Variants in TRMT11 observed in about 807,000 individuals in gnomAD.
TRMT11 encodes tRNA (guanine(10)-N(2))-methyltransferase TRMT11.
Under a neutral mutation model 62.8 loss-of-function variants are expected in TRMT11, and 53 were observed. The ratio of observed to expected loss-of-function variants is 0.84; its 90% CI spans 0.68 to 1.06. TRMT11 has a LOEUF of 1.06. Among genes scored for constraint, TRMT11 ranks in the 50% least tolerant of loss-of-function variants. The pLI, the probability that TRMT11 is intolerant of heterozygous loss-of-function variation, is 0.00. For missense variants in TRMT11, 556 were observed against 553.4 expected (o/e 1.00, Z -0.05); for synonymous variants, 188 against 190.3 (o/e 0.99, Z 0.10).
At chr6:126,204,135 A>G (rs1006033832), downstream of TRMT11, among the ~76,000 whole-genome samples, 12 of 152,234 alleles carry the variant, frequency 7.9e-5, no homozygotes, top group African/African-American at 2.7e-4. Context: ...AGAAATAATT[A>G]TAAGTTAAAA....
At chr6:126,128,506 T>A (rs9321060) in intron 21 of TRMT11, among the ~76,000 whole-genome samples, 1 of 152,002 alleles carries the variant, frequency 6.6e-6, no homozygotes, top group South Asian at 2.1e-4. Flanking sequence ...ATTTGGGTTC[T>A]TCCCATTTTC....
At chr6:126,124,835 C>A (rs1026968668) in intron 21 of TRMT11, among the ~76,000 whole-genome samples, 1 of 151,990 alleles carries the variant, frequency 6.6e-6, no homozygotes. Flanking sequence ...GGTTGTATAC[C>A]GCTGGAGTTA....
chr6:126,008,731 T>C (rs1793742740), intron 8 of TRMT11: 1 of 642,466 alleles, frequency 1.6e-6, no homozygotes, highest in Non-Finnish European at 2.9e-6. Flanking sequence ...AGTAAATCTA[T>C]TTTTACTGAA....
At chr6:126,091,169 A>G (rs1428854357) in intron 17 of TRMT11, among the ~76,000 whole-genome samples, 1 of 149,544 alleles carries the variant, frequency 6.7e-6, no homozygotes, top group African/African-American at 2.5e-5. Context: ...GCGCCACTGC[A>G]CTCCAGCCTG....
At chr6:126,121,282 C>A (rs573252946) in intron 21 of TRMT11, among the ~76,000 whole-genome samples, 1 of 152,248 alleles carries the variant, frequency 6.6e-6, no homozygotes, top group African/African-American at 2.4e-5. Context: ...TGTCTCACTT[C>A]ATGCCATTTA....
chr6:126,212,819 G>A, the TRMT11 span, among the ~76,000 whole-genome samples: 1 of 152,012 alleles, frequency 6.6e-6, no homozygotes, highest in Non-Finnish European at 1.5e-5. Context: ...TTGATTGCCT[G>A]TGCTTGTGGG....
At chr6:126,042,344 C>T (rs563797942), downstream of TRMT11, among the ~76,000 whole-genome samples, 26 of 152,238 alleles carry the variant, frequency 1.7e-4, no homozygotes, top group Non-Finnish European at 3.4e-4. Context: ...CTGAGGCCAA[C>T]CTGGAATTTG....
intron 12 of TRMT11, among the ~76,000 whole-genome samples, chr6:126,029,279 C>T (rs1773750641): frequency 6.6e-6 from 1 of 152,112 alleles, no homozygotes; most frequent in Non-Finnish European, 1.5e-5. Context: ...CATAAATGTA[C>T]ACTTTAGTAA....
intron 21 of TRMT11, among the ~76,000 whole-genome samples, chr6:126,161,144 A>G (rs1242425338): frequency 6.6e-6 from 1 of 152,052 alleles, no homozygotes; most frequent in South Asian, 2.1e-4. Flanking sequence ...GGTTTGTTAC[A>G]TAGGTATACA....
intron 21 of TRMT11, among the ~76,000 whole-genome samples, chr6:126,121,907 T>C (rs1263805656): frequency 6.6e-6 from 1 of 152,108 alleles, no homozygotes; most frequent in Non-Finnish European, 1.5e-5. Flanking sequence ...GTAGGAATAC[T>C]GATGTTGGGC....
At chr6:125,987,094 C>G (rs1789771683) in intron 1 of TRMT11, 1 of 160,826 alleles carries the variant, frequency 6.2e-6, no homozygotes, top group Non-Finnish European at 1.4e-5. Flanking sequence ...AAGATCGGTA[C>G]GCTGGGCATG....
intron 17 of TRMT11, among the ~76,000 whole-genome samples, chr6:126,065,796 ATGT>A (rs918805508): frequency 2.6e-5 from 4 of 152,176 alleles, no homozygotes; most frequent in East Asian, 1.9e-4. Context: ...TGTTTCTCTG[ATGT>A]TGTCCTTCAG....
chr6:126,215,057 A>T, the TRMT11 span, among the ~76,000 whole-genome samples: 1 of 151,936 alleles, frequency 6.6e-6, no homozygotes, highest in Non-Finnish European at 1.5e-5. Flanking sequence ...GATGCTTGAT[A>T]TAATTTCATT....
At chr6:126,114,581 G>A (rs952020) in intron 18 of TRMT11, among the ~76,000 whole-genome samples, 31,963 of 152,022 alleles carry the variant, frequency 0.21, 6,905 homozygotes, top group African/African-American at 0.56. Context: ...CGCAGGGGGA[G>A]TTTCCGCAGT....
intron 1 of TRMT11, 49 bp downstream of exon 1, chr6:125,986,671 G>A (rs1177557928): frequency 6.0e-6 from 9 of 1,499,784 alleles, no homozygotes; most frequent in Non-Finnish European, 8.1e-6. Flanking sequence ...GGACGCTGGA[G>A]TGGAGTGGAG....
the TRMT11 span, among the ~76,000 whole-genome samples, chr6:126,230,602 T>C: frequency 6.6e-6 from 1 of 152,234 alleles, no homozygotes; most frequent in Non-Finnish European, 1.5e-5. Context: ...CATCCAAATC[T>C]ATTTGTTGAT....
upstream of TRMT11, among the ~76,000 whole-genome samples, chr6:126,176,606 T>C (rs1778387524): frequency 6.6e-6 from 1 of 152,168 alleles, no homozygotes; most frequent in South Asian, 2.1e-4. Flanking sequence ...TCCACTTGGA[T>C]CTATAATCTA....
chr6:126,161,355 GT>G (rs1245409712), intron 21 of TRMT11, among the ~76,000 whole-genome samples: 3 of 152,092 alleles, frequency 2.0e-5, no homozygotes, highest in Non-Finnish European at 4.4e-5. Context: ...TCCTATGATA[GT>G]TTTCTGAGAA....
chr6:126,096,929 C>T (rs1777347602), intron 17 of TRMT11, among the ~76,000 whole-genome samples: 1 of 152,152 alleles, frequency 6.6e-6, no homozygotes, highest in Non-Finnish European at 1.5e-5. Context: ...ATTTGGAGAA[C>T]AGAATTTAAG....
Sources: allele counts gnomAD v4.1 joint callset (sites outside exome capture counted in the v4.1 genomes callset), GRCh38; gene constraint gnomAD v4.1.1; transcripts MANE v1.5; gene names NCBI Gene and HGNC (gene_info 2026-07-23, HGNC 2026-07-21).